The following TSR1 variants were observed in gnomAD, a reference collection of about 807,000 sequenced individuals.
TSR1 encodes the protein TSR1 ribosome maturation factor.
A neutral mutation model predicts 90.9 loss-of-function variants in TSR1; 81 were observed. The ratio of observed to expected loss-of-function variants is 0.89; its 90% CI spans 0.74 to 1.07. TSR1 has a LOEUF of 1.07. Ranked by LOEUF, TSR1 falls within the 50% of genes least tolerant of loss-of-function variation. TSR1 has a pLI of 0.00. For missense variants in TSR1, 989 were observed against 987.3 expected (o/e 1.00, Z -0.02); for synonymous variants, 362 against 348.8 (o/e 1.04, Z -0.42).
chr17:2,333,405 G>A (rs933159069), intron 6 of TSR1, 152 bp downstream of exon 6: 1 of 994,016 alleles, frequency 1.0e-6, no homozygotes, highest in Non-Finnish European at 1.6e-6. Flanking sequence ...TATAATGTTT[G>A]TTTATTGAAA....
At chr17:2,331,598 T>C (rs1384934751) in intron 8 of TSR1, among the ~76,000 whole-genome samples, 1 of 152,184 alleles carries the variant, frequency 6.6e-6, no homozygotes, top group Non-Finnish European at 1.5e-5. Context: ...GATTGTAAGT[T>C]TCTTGAGGAC....
rs1787956552 is a variant in TSR1 at position 2,333,064 on chromosome 17, T to C, written c.1202A>G (p.Gln401Arg). Reference sequence around the variant, plus strand: ...GCCACCATCCAAAATCCATTCAGCTTGGTAACTGGATGTTCCTTTGGGGAC... The same window carrying C: ...GCCACCATCCAAAATCCATTCAGCTCGGTAACTGGATGTTCCTTTGGGGAC... Reference protein sequence around the residue: ...KKVPKGTSSYQAEWILDGGSQ... With the variant: ...KKVPKGTSSYRAEWILDGGSQ... The change falls in exon 7 of 15, where the codon CAA becomes CGA. Residue 401 changes from glutamine (Q) to arginine (R), a missense_variant. Transcript: ENST00000301364. 6.2e-7 allele frequency: 1 copy of C among 1,614,156 alleles called. No homozygotes were observed. The highest frequency in any genetic ancestry group is 8.5e-7 in the Non-Finnish European group (1 of 1,179,998).
At chr17:2,327,416 C>CA (rs770269783) in intron 11 of TSR1, among the ~76,000 whole-genome samples, 10,850 of 126,588 alleles carry the variant, frequency 0.086, 1,309 homozygotes, top group African/African-American at 0.28. Context: ...GACTCTATAT[C>CA]AAAAAAAAAA....
At position 2,325,356 on chromosome 17, in the gene TSR1, C is replaced by T. The variant is rs200812736; in HGVS notation, c.1968G>A (p.Ala656=). 29 of 1,613,506 alleles carry T rather than the reference C, an allele frequency of 1.8e-5. No individual in the cohort carries two copies. Among genetic ancestry groups the T allele is most frequent in the South Asian group, 5.5e-5 (5 of 90,890 alleles). ...CAGATGCAGGAGGAAAAGTGATTGG[C>T]GCATAGACTGTCGCCACCAGGGCCA... ...ADMALVATVY[A]PITFPPASVL... is the part of the protein sequence containing the mutation. Residue 656 remains alanine, a synonymous_variant, in exon 12 of 15, where the codon GCG becomes GCA. Transcript: ENST00000301364.
intron 11 of TSR1, among the ~76,000 whole-genome samples, chr17:2,326,976 A>C (rs1327030833): frequency 6.6e-6 from 1 of 151,924 alleles, no homozygotes; most frequent in Non-Finnish European, 1.5e-5. Flanking sequence ...ATGGTGGTAC[A>C]CGCCTGTAAT....
Position 2,324,330 on chromosome 17 carries a change from A to AT in TSR1, c.2280dup (p.Ser761IlefsTer11). 1 of 1,564,864 alleles carries AT rather than the reference A, an allele frequency of 6.4e-7. No individual in the cohort carries two copies. The highest frequency in any genetic ancestry group is 8.6e-7 in the Non-Finnish European group (1 of 1,159,126). On this transcript the variant is annotated frameshift_variant, in exon 15 of 15. Transcript: ENST00000301364. LOFTEE classifies it high-confidence loss of function. ...AGGTTCATCAGTACTGTGTCTTGAG[A>AT]TTTTAGCTTCCCATCAAAGCTGCAT... is the stretch of plus-strand genomic sequence containing the variant.
intron 1 of TSR1, 57 bp downstream of exon 1, chr17:2,336,273 AG>A: frequency 1.2e-6 from 2 of 1,609,932 alleles, no homozygotes; most frequent in Non-Finnish European, 1.7e-6. Flanking sequence ...TCTGGGCATG[AG>A]GAAAAAGAGT....
intron 11 of TSR1, among the ~76,000 whole-genome samples, chr17:2,328,843 C>G (rs1310575951): frequency 7.2e-6 from 1 of 138,232 alleles, no homozygotes; most frequent in African/African-American, 2.7e-5. Context: ...GTAAGTAAAC[C>G]TGAGAGGCGG....
chr17:2,336,037 C>T lies in TSR1; in HGVS notation c.201G>A (p.Ala67=). The part of the protein sequence containing the change: ...ASQLRKQKKE[A]VLAEKRQLGG... ...TTCTCCCAAATCCCGCTCCTCTCAC[C>T]GCCTCCTTCTTCTGCTTTCGGAGCT... The change falls in exon 2 of 15, where the codon GCG becomes GCA. Residue 67 remains alanine (A), a splice_region_variant and synonymous_variant. Transcript: ENST00000301364. 6.2e-7 allele frequency: 1 copy of T among 1,614,180 alleles called. No individual in the cohort carries two copies. The highest frequency in any genetic ancestry group is 8.5e-7 in the Non-Finnish European group (1 of 1,180,004).
chr17:2,329,564 C>A, intron 10 of TSR1, 89 bp from the exon 11 acceptor site: 1 of 1,479,228 alleles, frequency 6.8e-7, no homozygotes, highest in South Asian at 1.2e-5. Context: ...CTAGCAGATT[C>A]AGACTCATTC....
chr17:2,326,826 CG>C (rs1163061303), intron 11 of TSR1, among the ~76,000 whole-genome samples: 3 of 152,126 alleles, frequency 2.0e-5, no homozygotes, highest in African/African-American at 4.8e-5. Context: ...AATTTTTGGC[CG>C]GGCGCAGTGG....
In TSR1 at chr17:2,332,379, T is replaced by C. The variant is rs752121239; in HGVS notation, c.1306-20A>G. 4 of 1,565,298 alleles carry C rather than the reference T, an allele frequency of 2.6e-6. No individual in the cohort carries two copies. Among genetic ancestry groups the C allele is most frequent in the Non-Finnish European group, 3.4e-6 (4 of 1,162,046 alleles). ...CTCATCCTGTAGAATAGGATTACAGTTTTTTCAGAAGAAATCCACACCTGT... is the reference window on the plus strand; with the variant it reads ...CTCATCCTGTAGAATAGGATTACAGCTTTTTCAGAAGAAATCCACACCTGT... On this transcript the variant is annotated intron_variant, in intron 7 of 14. Transcript: ENST00000301364.
intron 12 of TSR1, 66 bp downstream of exon 12, chr17:2,325,238 C>G (rs1037860917): frequency 8.4e-7 from 1 of 1,197,588 alleles, no homozygotes; most frequent in Admixed American, 2.4e-5. Context: ...TTTAAATAAA[C>G]AAGAGAAAAC....
intron 9 of TSR1, 62 bp from the exon 10 acceptor site, chr17:2,330,687 G>A: frequency 6.6e-7 from 1 of 1,518,792 alleles, no homozygotes; most frequent in Non-Finnish European, 9.1e-7. Context: ...TAGCGAGGAA[G>A]CTTTCTCCAA....
chr17:2,329,942 A>G (rs981470891), intron 10 of TSR1, among the ~76,000 whole-genome samples: 1 of 151,816 alleles, frequency 6.6e-6, no homozygotes, highest in Non-Finnish European at 1.5e-5. Flanking sequence ...TTTTGACATA[A>G]GAGTTTCGCT....
chr17:2,333,217 CCAA>C, intron 6 of TSR1, 93 bp from the exon 7 acceptor site: 1 of 1,419,556 alleles, frequency 7.0e-7, no homozygotes, highest in Non-Finnish European at 9.8e-7. Flanking sequence ...GATACTGCTG[CCAA>C]CATGGGAAAT....
rs747932834 is a variant in TSR1 at position 2,329,200 on chromosome 17, C to A, written c.1903+143G>T. 1.1e-5 allele frequency: 14 copies of A among 1,266,062 alleles called. No individual in the cohort carries two copies. In the African/African-American group the frequency reaches 1.8e-4, roughly 16 times the overall value. 78.4% of individuals were successfully genotyped at this position (1,266,062 alleles called of 1,614,324 possible). A position where few individuals can be genotyped will look rare whatever the true frequency, so the allele number is the denominator to read the frequency against. ...GTTCAGACATTTTGAATAAAAACAT[C>A]ATTGGCTCTTAAGCCAGAGTACTGA... On this transcript the variant is annotated intron_variant, in intron 11 of 14. Coordinates refer to ENST00000301364, the MANE Select transcript of TSR1 (RefSeq NM_018128.5).
At chr17:2,329,256 T>G in intron 11 of TSR1, 87 bp downstream of exon 11, 2 of 1,589,154 alleles carry the variant, frequency 1.3e-6, no homozygotes, top group Non-Finnish European at 1.7e-6. Context: ...TGTAAGATTT[T>G]GAAACCATAT....
intron 11 of TSR1, chr17:2,329,135 G>A (rs1269108168): frequency 4.8e-6 from 4 of 828,944 alleles, no homozygotes; most frequent in African/African-American, 1.7e-5. Flanking sequence ...AAAAGCCTCA[G>A]TATCACACAG....
Sources: allele counts gnomAD v4.1 joint callset (sites outside exome capture counted in the v4.1 genomes callset), GRCh38; gene constraint gnomAD v4.1.1; transcripts MANE v1.5; gene names NCBI Gene and HGNC (gene_info 2026-07-23, HGNC 2026-07-21).